NCAM2: variants seen among roughly 807,000 people sequenced by gnomAD.
NCAM2 encodes neural cell adhesion molecule 2, also known as N-CAM-2.
Under a neutral mutation model 98.1 loss-of-function variants are expected in NCAM2, and 30 were observed. The ratio of observed to expected loss-of-function variants is 0.31; its 90% CI spans 0.23 to 0.41. The LOEUF (loss-of-function observed/expected upper bound fraction) is 0.41. Among genes scored for constraint, NCAM2 ranks in the 10% least tolerant of loss-of-function variants. The pLI, the probability that NCAM2 is intolerant of heterozygous loss-of-function variation, is 1.00. For missense variants in NCAM2, 867 were observed against 1,005.8 expected (o/e 0.86, Z 1.87); for synonymous variants, 368 against 342.4 (o/e 1.07, Z -0.83).
At chr21:21,436,119 G>A (rs576874697) in intron 12 of NCAM2, among the ~76,000 whole-genome samples, 1 of 152,316 alleles carries the variant, frequency 6.6e-6, no homozygotes, top group Non-Finnish European at 1.5e-5. Flanking sequence ...ACAGAAATAT[G>A]AAATGTGATG....
intron 3 of NCAM2, among the ~76,000 whole-genome samples, chr21:21,284,741 T>C (rs758362538): frequency 6.6e-6 from 1 of 151,616 alleles, no homozygotes; most frequent in Non-Finnish European, 1.5e-5. Context: ...TAGAAGGTCA[T>C]GATTAGAATA....
chr21:21,111,102 C>T (rs2066445463), intron 1 of NCAM2, among the ~76,000 whole-genome samples: 1 of 151,950 alleles, frequency 6.6e-6, no homozygotes, highest in Non-Finnish European at 1.5e-5. Flanking sequence ...GATTATTCTC[C>T]AAACCAAACA....
intron 10 of NCAM2, among the ~76,000 whole-genome samples, chr21:21,411,060 A>ATATATACACACACATATATATATGTGTG (rs2076856210): frequency 2.2e-5 from 2 of 90,968 alleles, no homozygotes; most frequent in African/African-American, 4.1e-5. Context: ...GTGTGTATAT[A>ATATATACACACACATATATATATGTGTG]TATATATATA....
chr21:21,036,393 A>T (rs2064797237), intron 1 of NCAM2, among the ~76,000 whole-genome samples: 1 of 152,190 alleles, frequency 6.6e-6, no homozygotes, highest in Admixed American at 6.5e-5. Context: ...CCCAAAAATG[A>T]GCAAAAATAT....
At chr21:21,368,161 T>G (rs2075831163) in intron 8 of NCAM2, among the ~76,000 whole-genome samples, 1 of 151,950 alleles carries the variant, frequency 6.6e-6, no homozygotes, top group Non-Finnish European at 1.5e-5. Flanking sequence ...GGTACTTATT[T>G]TAAAATATAA....
At chr21:21,242,164 C>A (rs201872853) in intron 1 of NCAM2, among the ~76,000 whole-genome samples, 1 of 136,990 alleles carries the variant, frequency 7.3e-6, no homozygotes, top group Non-Finnish European at 1.6e-5. Flanking sequence ...AAAAAAGAAA[C>A]CTCCCTATTG....
chr21:21,442,511 C>T (rs544284842), intron 12 of NCAM2, among the ~76,000 whole-genome samples: 1 of 152,234 alleles, frequency 6.6e-6, no homozygotes, highest in African/African-American at 2.4e-5. Flanking sequence ...TGAATTAAGA[C>T]TTAAACTGAT....
intron 9 of NCAM2, among the ~76,000 whole-genome samples, chr21:21,402,307 G>A (rs560157373): frequency 6.6e-6 from 1 of 152,016 alleles, no homozygotes; most frequent in African/African-American, 2.4e-5. Context: ...TTGCATTCCT[G>A]GGGGGAGGTC....
chr21:21,123,888 C>G (rs544521763), intron 1 of NCAM2, among the ~76,000 whole-genome samples: 7 of 114,770 alleles, frequency 6.1e-5, no homozygotes, highest in Non-Finnish European at 1.2e-4. Context: ...CACTCTGTCG[C>G]CAGGCTACAG....
At chr21:21,311,946 A>T (rs1008039933) in intron 5 of NCAM2, among the ~76,000 whole-genome samples, 1 of 152,184 alleles carries the variant, frequency 6.6e-6, no homozygotes, top group South Asian at 2.1e-4. Context: ...TCTATTTCTA[A>T]TTTCTGCAAA....
At position 21,338,546 on chromosome 21, in the gene NCAM2, T is replaced by A; in HGVS notation, c.1044+12T>A. On this transcript the variant is annotated intron_variant, in intron 8 of 17. Coordinates refer to ENST00000400546, the MANE Select transcript of NCAM2 (RefSeq NM_004540.5). Reference sequence around the variant, plus strand: ...CTGAAGGCGATAAGGTAACCACATCTCAATATGTAATGGTTTCCATTACCA... The same window carrying A: ...CTGAAGGCGATAAGGTAACCACATCACAATATGTAATGGTTTCCATTACCA... 1.3e-6 allele frequency: 2 copies of A among 1,590,208 alleles called. No individual in the cohort carries two copies. The highest frequency in any genetic ancestry group is 1.7e-6 in the Non-Finnish European group (2 of 1,170,874).
At chr21:21,251,858 A>G (rs964122916) in intron 1 of NCAM2, among the ~76,000 whole-genome samples, 1 of 150,600 alleles carries the variant, frequency 6.6e-6, no homozygotes, top group Admixed American at 6.7e-5. Context: ...TTGCCTGTTC[A>G]CTCTGATGCT....
At chr21:21,426,056 G>A (rs1312458956) in intron 11 of NCAM2, among the ~76,000 whole-genome samples, 1 of 151,866 alleles carries the variant, frequency 6.6e-6, no homozygotes, top group Non-Finnish European at 1.5e-5. Flanking sequence ...ATGGTGAAAG[G>A]GGCAAACATA....
At chr21:21,156,283 T>C (rs985252937) in intron 1 of NCAM2, among the ~76,000 whole-genome samples, 9 of 152,180 alleles carry the variant, frequency 5.9e-5, no homozygotes, top group African/African-American at 2.2e-4. Flanking sequence ...ACATTATTCA[T>C]CTTTGAACTC....
chr21:21,216,686 G>A (rs77214040), intron 1 of NCAM2, among the ~76,000 whole-genome samples: 12 of 152,254 alleles, frequency 7.9e-5, no homozygotes, highest in Middle Eastern at 3.4e-3. Context: ...TATCTCATCC[G>A]TCCTGGTTAT....
intron 1 of NCAM2, among the ~76,000 whole-genome samples, chr21:21,090,192 G>T (rs945303772): frequency 1.3e-5 from 2 of 152,106 alleles, no homozygotes; most frequent in African/African-American, 4.8e-5. Context: ...CACATTCAAG[G>T]TTAAGAAGCA....
intron 12 of NCAM2, among the ~76,000 whole-genome samples, chr21:21,452,934 T>C (rs1981451934): frequency 1.0e-5 from 1 of 98,942 alleles, no homozygotes; most frequent in Non-Finnish European, 1.8e-5. Flanking sequence ...ATATAATATA[T>C]ATAATATAAT....
At chr21:21,263,896 T>C (rs1204873045) in intron 1 of NCAM2, among the ~76,000 whole-genome samples, 1 of 151,948 alleles carries the variant, frequency 6.6e-6, no homozygotes, top group Non-Finnish European at 1.5e-5. Flanking sequence ...TCCAAAAACA[T>C]AAAAATCCTA....
chr21:21,246,003 G>A (rs2071254557), intron 1 of NCAM2, among the ~76,000 whole-genome samples: 2 of 152,174 alleles, frequency 1.3e-5, no homozygotes, highest in African/African-American at 2.4e-5. Context: ...CTCCACTTTG[G>A]TGTGGATTGT....
Sources: gnomAD v4.1 joint callset for allele counts (sites outside exome capture counted in the v4.1 genomes callset) on GRCh38, gnomAD v4.1.1 for gene constraint, MANE v1.5 for transcripts, NCBI Gene and HGNC (gene_info 2026-07-23, HGNC 2026-07-21) for gene names.